Variants in AUTS2 observed in about 807,000 individuals in gnomAD.
AUTS2 encodes autism susceptibility gene 2 protein.
AUTS2 carries 17 observed loss-of-function variants against 112.4 expected under a neutral mutation model. The observed-to-expected ratio is 0.15, with a 90% confidence interval of 0.10 to 0.23. The LOEUF (loss-of-function observed/expected upper bound fraction) is 0.23, where lower values mean the gene tolerates loss of function less well. Ranked by LOEUF, AUTS2 falls within the 10% of genes least tolerant of loss-of-function variation. AUTS2 has a pLI of 1.00. For missense variants in AUTS2, 1,510 were observed against 1,701.6 expected (o/e 0.89, Z 1.98); for synonymous variants, 751 against 702.7 (o/e 1.07, Z -1.09).
At chr7:69,839,943 G>A (rs1482762685) in intron 1 of AUTS2, among the ~76,000 whole-genome samples, 1 of 152,076 alleles carries the variant, frequency 6.6e-6, no homozygotes, top group Non-Finnish European at 1.5e-5. Context: ...GTAGACCAGT[G>A]GTTTTCAGAG....
At chr7:69,704,895 C>A (rs1797994341) in intron 1 of AUTS2, among the ~76,000 whole-genome samples, 1 of 152,058 alleles carries the variant, frequency 6.6e-6, no homozygotes, top group Admixed American at 6.6e-5. Context: ...GAGGCAGGGT[C>A]TTGTTCTGTC....
At chr7:70,222,605 T>G (rs1338915318) in intron 4 of AUTS2, among the ~76,000 whole-genome samples, 1 of 152,098 alleles carries the variant, frequency 6.6e-6, no homozygotes, top group East Asian at 1.9e-4. Context: ...GTAGAGTTTT[T>G]TTTTTTTTAA....
intron 5 of AUTS2, among the ~76,000 whole-genome samples, chr7:70,521,232 C>A (rs1799632821): frequency 6.6e-6 from 1 of 152,168 alleles, no homozygotes; most frequent in African/African-American, 2.4e-5. Context: ...ATCATCAGCT[C>A]TCCTGGGCTT....
intron 2 of AUTS2, among the ~76,000 whole-genome samples, chr7:70,061,361 T>C (rs1357617841): frequency 6.6e-6 from 1 of 152,196 alleles, no homozygotes; most frequent in Non-Finnish European, 1.5e-5. Context: ...GGTGTTTTCT[T>C]TCCTTAAGTT....
At chr7:70,496,773 A>G (rs1243608319) in intron 5 of AUTS2, among the ~76,000 whole-genome samples, 1 of 136,818 alleles carries the variant, frequency 7.3e-6, no homozygotes. Context: ...CACACCACGT[A>G]CACAGTCAGA....
At chr7:70,251,994 T>C (rs1786624975) in intron 4 of AUTS2, among the ~76,000 whole-genome samples, 1 of 152,162 alleles carries the variant, frequency 6.6e-6, no homozygotes, top group South Asian at 2.1e-4. Flanking sequence ...ATTATGACCT[T>C]TTTCACTAAA....
intron 1 of AUTS2, among the ~76,000 whole-genome samples, chr7:69,703,912 A>G (rs1797937719): frequency 6.6e-6 from 1 of 152,242 alleles, no homozygotes; most frequent in Non-Finnish European, 1.5e-5. Context: ...ATGTGAAAAT[A>G]GTAACCTGGC....
At chr7:70,675,464 C>A (rs939349741) in intron 5 of AUTS2, among the ~76,000 whole-genome samples, 1 of 152,170 alleles carries the variant, frequency 6.6e-6, no homozygotes, top group Admixed American at 6.5e-5. Flanking sequence ...CCACTGCACT[C>A]CAGCCTGGGC....
At chr7:70,043,037 T>G (rs1011367858) in intron 2 of AUTS2, among the ~76,000 whole-genome samples, 3 of 151,328 alleles carry the variant, frequency 2.0e-5, no homozygotes, top group Non-Finnish European at 4.4e-5. Flanking sequence ...AAAAAAACCT[T>G]GCAGAGCTTA....
At chr7:69,774,412 T>C (rs183644272) in intron 1 of AUTS2, among the ~76,000 whole-genome samples, 2 of 152,184 alleles carry the variant, frequency 1.3e-5, no homozygotes, top group African/African-American at 2.4e-5. Context: ...ATAAAATAAG[T>C]AAATATCTTT....
chr7:70,542,458 G>T (rs1800591235), intron 5 of AUTS2, among the ~76,000 whole-genome samples: 1 of 152,126 alleles, frequency 6.6e-6, no homozygotes, highest in South Asian at 2.1e-4. Context: ...AAGAGCAGCT[G>T]GTCAGTCCCT....
intron 4 of AUTS2, among the ~76,000 whole-genome samples, chr7:70,320,053 A>T (rs907614054): frequency 6.6e-6 from 1 of 152,156 alleles, no homozygotes; most frequent in African/African-American, 2.4e-5. Flanking sequence ...CAACCTCTAC[A>T]TTGCTTTAGG....
intron 4 of AUTS2, among the ~76,000 whole-genome samples, chr7:70,417,015 C>A (rs1284968912): frequency 6.6e-6 from 1 of 152,176 alleles, no homozygotes; most frequent in Non-Finnish European, 1.5e-5. Flanking sequence ...CAGTGGTGGG[C>A]CAGCAGGGCC....
chr7:69,743,576 A>G (rs949952611), intron 1 of AUTS2, among the ~76,000 whole-genome samples: 4 of 152,196 alleles, frequency 2.6e-5, no homozygotes, highest in African/African-American at 9.7e-5. Flanking sequence ...CACCACTGCT[A>G]TCAAGATATA....
chr7:70,117,749 C>G (rs1805456059), intron 2 of AUTS2, among the ~76,000 whole-genome samples: 1 of 144,074 alleles, frequency 6.9e-6, no homozygotes, highest in Admixed American at 7.0e-5. Flanking sequence ...ATTGTTCACT[C>G]TTTTTTTTTT....
rs117649218 is a variant in AUTS2 at position 69,986,012 on chromosome 7, C to T, written c.522+86514C>T. Among the ~76,000 whole-genome samples the T allele has an allele frequency of 8.4e-4, 128 of 152,312 alleles. 3 individuals are homozygous for T. In the East Asian group the frequency reaches 0.024, roughly 28 times the overall value. On this transcript the variant is annotated intron_variant, in intron 2 of 18. Transcript: ENST00000342771. ...TTCTGGGCTTAAGCGATCCTCCCGC[C>T]TCGACCTCTCAAAGTGCTGGGATTT...
At chr7:69,686,830 C>T (rs1003808470) in intron 1 of AUTS2, among the ~76,000 whole-genome samples, 3 of 152,160 alleles carry the variant, frequency 2.0e-5, no homozygotes, top group South Asian at 2.1e-4. Flanking sequence ...GGTCTTAACC[C>T]ACTTAGGTGG....
chr7:70,234,767 G>A (rs1003728313), intron 4 of AUTS2, among the ~76,000 whole-genome samples: 2 of 152,248 alleles, frequency 1.3e-5, no homozygotes, highest in African/African-American at 2.4e-5. Flanking sequence ...GTTGAATCCC[G>A]TGAATGGAAA....
intron 5 of AUTS2, among the ~76,000 whole-genome samples, chr7:70,475,420 T>C (rs955802023): frequency 2.0e-5 from 3 of 152,204 alleles, no homozygotes; most frequent in Non-Finnish European, 4.4e-5. Context: ...CCTCATACTG[T>C]TGACTAGTTT....
Sources: gnomAD v4.1 joint callset for allele counts (sites outside exome capture counted in the v4.1 genomes callset) on GRCh38, gnomAD v4.1.1 for gene constraint, MANE v1.5 for transcripts, NCBI Gene and HGNC (gene_info 2026-07-23, HGNC 2026-07-21) for gene names.